The following SEC24B variants were observed in gnomAD, a reference collection of about 807,000 sequenced individuals.
SEC24B encodes the protein SEC24 homolog B, COPII component, also known as protein transport protein Sec24B.
A neutral mutation model predicts 142.8 loss-of-function variants in SEC24B; 45 were observed. That is an observed-to-expected ratio of 0.32 (90% CI 0.25 to 0.40). SEC24B has a LOEUF of 0.40. SEC24B is among the 10% of genes least tolerant of loss of function. The pLI, the probability that SEC24B is intolerant of heterozygous loss-of-function variation, is 1.00. For missense variants in SEC24B, 1,409 were observed against 1,526.8 expected, an observed-to-expected ratio of 0.92 and a Z score of 1.29; for synonymous variants, 574 against 568.2, an observed-to-expected ratio of 1.01 and a Z score of -0.15.
intron 1 of SEC24B, among the ~76,000 whole-genome samples, chr4:109,456,353 T>TTTTTTA (rs1553995174): frequency 4.7e-5 from 7 of 148,766 alleles, no homozygotes; most frequent in South Asian, 2.1e-4. Context: ...TTTTTTTTTT[T>TTTTTTA]ACTCCTTTCC....
chr4:109,515,329 C>T (rs974557256), intron 10 of SEC24B, among the ~76,000 whole-genome samples: 4 of 152,122 alleles, frequency 2.6e-5, no homozygotes, highest in African/African-American at 9.7e-5. Flanking sequence ...TCTTGATCTC[C>T]TGACCTCGTA....
intron 21 of SEC24B, among the ~76,000 whole-genome samples, 172 bp from the exon 22 acceptor site, chr4:109,533,421 C>T (rs1056331962): frequency 4.6e-5 from 7 of 152,082 alleles, no homozygotes; most frequent in Non-Finnish European, 7.4e-5. Context: ...TAATCAAAGA[C>T]GATGTGAACC....
Position 109,526,352 on chromosome 4 carries a change from C to G in SEC24B, c.2918C>G (p.Thr973Ser), listed in dbSNP as rs755961140. The G allele has an allele frequency of 6.2e-7, 1 of 1,613,786 alleles. No homozygotes were observed. The highest frequency in any genetic ancestry group is 1.7e-5 in the Admixed American group (1 of 59,994). ...QLSIEESLTD[T>S]SLVCFQTALL... ...TCAATTGAAGAAAGTTTAACAGATA[C>G]TTCCTTAGTATGTTTTCAAACAGCC... Residue 973 changes from threonine (T) to serine (S), a missense_variant, in exon 17 of 24, where the codon ACT becomes AGT. This residue lies in a region of SEC24B where 700 missense variants were observed against 853.3 expected (regional missense o/e 0.82). Transcript: ENST00000265175.
In SEC24B at chr4:109,527,229, A is replaced by AAAG. The variant is rs1554010569; in HGVS notation, c.2966-91_2966-90insGAA. On this transcript the variant is annotated intron_variant, in intron 17 of 23. Transcript: ENST00000265175. Reference sequence around the variant, plus strand: ...GCAAGACTCCGTCTCAAAAAAAAAAAAAAGAAAGAAAGAAAGAAAAAAAGT... The same window carrying AAAG: ...GCAAGACTCCGTCTCAAAAAAAAAAAAAGAAAGAAAGAAAGAAAGAAAAAAAGT... 19 of 934,660 alleles carry AAAG rather than the reference A, an allele frequency of 2.0e-5. No homozygotes were observed. In the African/African-American group the frequency reaches 2.2e-4, roughly 11 times the overall value. 57.9% of individuals were successfully genotyped at this position (934,660 alleles called of 1,614,324 possible).
intron 1 of SEC24B, among the ~76,000 whole-genome samples, chr4:109,460,604 G>A (rs1304753114): frequency 7.2e-5 from 11 of 151,914 alleles, no homozygotes; most frequent in Non-Finnish European, 1.5e-4. Context: ...TTCAAATTCC[G>A]GCCCATTTAG....
Position 109,538,553 on chromosome 4 carries a change from C to G in SEC24B, c.3649C>G (p.Leu1217Val). Reference protein sequence around the residue: ...SERARSFITWLRDSRPLSPIL... With the variant: ...SERARSFITWVRDSRPLSPIL... ...AAGAGCCAGATCCTTCATAACTTGG[C>G]TTAGAGACAGCAGACCATTAAGTCC... The change falls in exon 23 of 24, where the codon CTT becomes GTT. Residue 1217 changes from leucine to valine, a missense_variant. Physicochemically the swap from Leu to Val is conservative, Grantham distance 32. Around this residue, in one of 2 missense-constraint regions of SEC24B, gnomAD observed 700 missense variants for 853.3 expected, o/e 0.82. Transcript: ENST00000265175. 6.2e-7 allele frequency: 1 copy of G among 1,612,820 alleles called. No homozygotes were observed.
chr4:109,525,971 G>C (rs1724177444), intron 16 of SEC24B, among the ~76,000 whole-genome samples: 1 of 152,062 alleles, frequency 6.6e-6, no homozygotes, highest in African/African-American at 2.4e-5. Flanking sequence ...GATTATGTCT[G>C]ACTTCAAGTC....
intron 6 of SEC24B, among the ~76,000 whole-genome samples, chr4:109,497,435 T>C (rs541907769): frequency 6.6e-6 from 1 of 152,198 alleles, no homozygotes; most frequent in African/African-American, 2.4e-5. Flanking sequence ...TAGGAAAGTT[T>C]GGATAAAGGG....
chr4:109,457,864 C>G (rs1432939479), intron 1 of SEC24B, among the ~76,000 whole-genome samples: 1 of 152,098 alleles, frequency 6.6e-6, no homozygotes, highest in Non-Finnish European at 1.5e-5. Flanking sequence ...TCAAATAATC[C>G]AAGAGAGGCT....
rs371406432 is a variant in SEC24B, at chr4:109,464,645, T to G, written c.877+1001T>G. ...GAAAATGCATGTAAAAAATGGGAAT[T>G]GGTAAAGCTGTGGTAACTTTTGGAA... On this transcript the variant is annotated intron_variant, in intron 2 of 23. Coordinates refer to ENST00000265175, the MANE Select transcript of SEC24B (RefSeq NM_006323.5). Among the ~76,000 whole-genome samples the G allele has an allele frequency of 1.4e-4, 21 of 152,350 alleles. No individual in the cohort carries two copies. In the East Asian group the frequency reaches 2.7e-3, roughly 20 times the overall value.
chr4:109,481,804 T>C, intron 4 of SEC24B, 23 bp downstream of exon 4: 2 of 1,551,794 alleles, frequency 1.3e-6, no homozygotes, highest in Non-Finnish European at 1.8e-6. Flanking sequence ...TTTACACCAG[T>C]TCTTGATCTT....
rs1287768910 is a variant in SEC24B, at chr4:109,533,672, T to C, written c.3575T>C (p.Ile1192Thr). 1 of 1,596,954 alleles carries C rather than the reference T, an allele frequency of 6.3e-7. No individual in the cohort carries two copies. ...CTTGGATATACTAATTTTGCATCAA[T>C]ACCACAGAAAATGGTCAGTAGATTT... The part of the protein sequence containing the change: ...DVLGYTNFAS[I>T]PQKMTHLPEL... Residue 1192 changes from isoleucine to threonine, a missense_variant, in exon 22 of 24, where the codon ATA becomes ACA. By Grantham distance (89) the Ile-to-Thr change is moderately conservative. Around this residue, in one of 2 missense-constraint regions of SEC24B, gnomAD observed 700 missense variants for 853.3 expected, o/e 0.82. Transcript: ENST00000265175.
In SEC24B at chr4:109,463,021, C is replaced by T. The variant is rs1578805661; in HGVS notation, c.254C>T (p.Thr85Ile). ...PGKMTSLPLD[T>I]QCGDYYSALY... is the part of the protein sequence containing the mutation. ...AAAATGACCTCATTGCCATTGGATA[C>T]CCAGTGTGGTGATTACTACTCTGCT... Residue 85 changes from threonine (T) to isoleucine (I), a missense_variant, in exon 2 of 24, where the codon ACC (threonine) becomes ATC (isoleucine). Thr to Ile is a moderately conservative substitution (Grantham distance 89). This residue lies in a region of SEC24B where 709 missense variants were observed against 673.5 expected (regional missense o/e 1.05). Transcript: ENST00000265175. 6.2e-7 allele frequency: 1 copy of T among 1,613,914 alleles called. No homozygotes were observed. Among genetic ancestry groups the T allele is most frequent in the South Asian group, 1.1e-5 (1 of 91,092 alleles).
At chr4:109,497,178 A>G (rs915447648) in intron 6 of SEC24B, among the ~76,000 whole-genome samples, 3 of 152,266 alleles carry the variant, frequency 2.0e-5, no homozygotes, top group African/African-American at 7.2e-5. Flanking sequence ...AAAAGAGATC[A>G]TGTGGCTCTC....
chr4:109,493,473 T>G (rs1001826877), intron 5 of SEC24B, among the ~76,000 whole-genome samples: 6 of 152,210 alleles, frequency 3.9e-5, no homozygotes, highest in African/African-American at 1.4e-4. Context: ...TTGTTGTTAC[T>G]GTTTTTGTAT....
chr4:109,453,271 T>G (rs1305465493), intron 1 of SEC24B, among the ~76,000 whole-genome samples: 2 of 152,154 alleles, frequency 1.3e-5, no homozygotes, highest in East Asian at 3.8e-4. Flanking sequence ...GCATTGTCAT[T>G]TATAAACATC....
In SEC24B at chr4:109,491,343, T is replaced by C; in HGVS notation, c.1182T>C (p.Ser394=). The C allele has an allele frequency of 5.6e-6, 9 of 1,613,200 alleles. No homozygotes were observed. The highest frequency in any genetic ancestry group is 7.6e-6 in the Non-Finnish European group (9 of 1,179,342). The change falls in exon 5 of 24, where the codon TCT becomes TCC. Residue 394 remains serine (S), a synonymous_variant. Coordinates refer to ENST00000265175, the MANE Select transcript of SEC24B (RefSeq NM_006323.5). ...TCCTTTTAGGTGTTGACAGCTCTTC[T>C]ACCACAAGCAGTGCTTCTCCAATGC... is the stretch of plus-strand genomic sequence containing the variant. ...EDEEAGVDSS[S]TTSSASPMPN...
chr4:109,445,817 CT>C (rs1266727142), intron 1 of SEC24B, among the ~76,000 whole-genome samples: 1 of 151,876 alleles, frequency 6.6e-6, no homozygotes, highest in African/African-American at 2.4e-5. Context: ...AGCAATCCCC[CT>C]GCCTCAGCCT....
At position 109,510,003 on chromosome 4, in the gene SEC24B, T is replaced by C; in HGVS notation, c.1674-6T>C. ...ATATCCTCCATGTTGTTTATGTTTT[T>C]TGCAGTTCATTTCGGTGTACTTTGA... On this transcript the variant is annotated splice_region_variant and splice_polypyrimidine_tract_variant and intron_variant, in intron 7 of 23. Transcript: ENST00000265175. 1 of 1,571,688 alleles carries C rather than the reference T, an allele frequency of 6.4e-7. No homozygotes were observed. Among genetic ancestry groups the C allele is most frequent in the Non-Finnish European group, 8.7e-7 (1 of 1,152,770 alleles).
Sources: allele counts gnomAD v4.1 joint callset (sites outside exome capture counted in the v4.1 genomes callset), GRCh38; gene constraint gnomAD v4.1.1; regional missense constraint gnomAD v4.1.1; transcripts MANE v1.5; gene names NCBI Gene and HGNC (gene_info 2026-07-23, HGNC 2026-07-21).